Variants in IPO8 observed in about 807,000 individuals in gnomAD.
IPO8 encodes the protein importin-8.
Under a neutral mutation model 141.2 loss-of-function variants are expected in IPO8, and 65 were observed. The ratio of observed to expected loss-of-function variants is 0.46; its 90% confidence interval spans 0.38 to 0.57. The LOEUF (loss-of-function observed/expected upper bound fraction) is 0.57, where lower values mean the gene tolerates loss of function less well. Ranked by LOEUF, IPO8 falls within the 20% of genes least tolerant of loss-of-function variation. IPO8 has a pLI of 0.00. For synonymous variants in IPO8, 411 were observed against 420.3 expected (o/e 0.98, Z 0.27); for missense variants, 980 against 1,246.8 (o/e 0.79, Z 3.22).
chr12:30,659,873 A>C (rs940122767), intron 16 of IPO8, among the ~76,000 whole-genome samples: 37 of 148,360 alleles, frequency 2.5e-4, no homozygotes, highest in Non-Finnish European at 4.5e-4. Flanking sequence ...AAAAAAAAAA[A>C]CCCACAAAAT....
chr12:30,646,622 AATC>A (rs2052650589), intron 20 of IPO8, among the ~76,000 whole-genome samples: 2 of 152,186 alleles, frequency 1.3e-5, no homozygotes, highest in South Asian at 4.1e-4. Flanking sequence ...AAAACTAATA[AATC>A]AGTTCAGCAA....
In IPO8 at chr12:30,663,613, A is replaced by G; in HGVS notation, c.1470T>C (p.His490=). ...CGGCATTTCTTAGATTGAGCTCATT[A>G]TGGAACTTCAAAGAACTAAATGCAT... The part of the protein sequence containing the change: ...VLHAFSSLKF[H]NELNLRNAVE... The change falls in exon 14 of 25, where the codon CAT becomes CAC. Residue 490 remains histidine, a synonymous_variant. Coordinates refer to ENST00000256079, the MANE Select transcript of IPO8 (RefSeq NM_006390.4). The G allele has an allele frequency of 6.2e-7, 1 of 1,612,698 alleles. No individual in the cohort carries two copies. Among genetic ancestry groups the G allele is most frequent in the East Asian group, 2.2e-5 (1 of 44,866 alleles).
intron 3 of IPO8, 38 bp from the exon 4 acceptor site, chr12:30,681,855 T>C: frequency 1.3e-6 from 2 of 1,534,150 alleles, no homozygotes; most frequent in Non-Finnish European, 1.8e-6. Flanking sequence ...ATCTAAGTAA[T>C]TATAAATACT....
intron 19 of IPO8, among the ~76,000 whole-genome samples, chr12:30,649,918 A>G (rs1405897216): frequency 6.6e-6 from 1 of 152,112 alleles, no homozygotes; most frequent in African/African-American, 2.4e-5. Flanking sequence ...AAAAGAATAA[A>G]TTAATGATTC....
chr12:30,665,532 C>T (rs1402872543), intron 12 of IPO8, among the ~76,000 whole-genome samples, 197 bp downstream of exon 12: 1 of 152,074 alleles, frequency 6.6e-6, no homozygotes, highest in Non-Finnish European at 1.5e-5. Flanking sequence ...TTTCACATAT[C>T]AATAGTTTCA....
chr12:30,693,842 G>T (rs562233159), intron 1 of IPO8, among the ~76,000 whole-genome samples: 1 of 152,138 alleles, frequency 6.6e-6, no homozygotes, highest in African/African-American at 2.4e-5. Context: ...GCAGAGTGAT[G>T]ATGGAATGGA....
chr12:30,633,095 G>A (rs1003439680), intron 23 of IPO8, among the ~76,000 whole-genome samples: 2 of 152,132 alleles, frequency 1.3e-5, no homozygotes, highest in African/African-American at 2.4e-5. Context: ...ATGCTGTTAC[G>A]TTTCCCATGC....
chr12:30,651,121 T>C (rs111941622), intron 19 of IPO8, among the ~76,000 whole-genome samples: 1,702 of 152,230 alleles, frequency 0.011, 29 homozygotes, highest in African/African-American at 0.039. Context: ...TGTGAATTAC[T>C]AATGGAATAC....
At position 30,663,655 on chromosome 12, in the gene IPO8, CTG is replaced by C. The variant is rs1433349605; in HGVS notation, c.1429-3_1429-2del. 1 of 1,597,618 alleles carries C rather than the reference CTG, an allele frequency of 6.3e-7. No individual in the cohort carries two copies. The highest frequency in any genetic ancestry group is 1.3e-5 in the African/African-American group (1 of 74,326). On this transcript the variant is annotated splice_acceptor_variant and splice_polypyrimidine_tract_variant and intron_variant, in intron 13 of 24. Coordinates refer to ENST00000256079, the MANE Select transcript of IPO8 (RefSeq NM_006390.4). LOFTEE classifies it high-confidence loss of function. ...TAAATGCATGAAGTACCCAGCAAGA[CTG>C]TATTATTAAAAAAGGTAAGTAGGGA...
In IPO8 at chr12:30,634,217, C is replaced by G. The variant is rs1472950924; in HGVS notation, c.2765G>C (p.Gly922Ala). The G allele has an allele frequency of 6.2e-7, 1 of 1,613,842 alleles. No homozygotes were observed. Among genetic ancestry groups the G allele is most frequent in the Non-Finnish European group, 8.5e-7 (1 of 1,179,872 alleles). Residue 922 changes from glycine (G) to alanine (A), a missense_variant, in exon 23 of 25, where the codon GGT becomes GCT. Coordinates refer to ENST00000256079, the MANE Select transcript of IPO8 (RefSeq NM_006390.4). ...ATCATCTTCCTCCTCCTCATCTTCACCTCTTCCATTATTTGACTGCATTGC... is the reference window on the plus strand; with the variant it reads ...ATCATCTTCCTCCTCCTCATCTTCAGCTCTTCCATTATTTGACTGCATTGC... ...AQAMQSNNGR[G>A]EDEEEEDDDW...
chr12:30,689,964 TA>T (rs909676165), intron 2 of IPO8, among the ~76,000 whole-genome samples: 3 of 152,072 alleles, frequency 2.0e-5, no homozygotes, highest in Non-Finnish European at 4.4e-5. Flanking sequence ...GACCAGTCCA[TA>T]AAAAAACAAG....
In IPO8 at chr12:30,665,561, G is replaced by A. The variant is rs148436804; in HGVS notation, c.1338+168C>T. Reference sequence around the variant, plus strand: ...AGTTTCATACTGAAAACTTTAAACAGTCAAATTTTCTTTTTAATTAAAGAA... The same window carrying A: ...AGTTTCATACTGAAAACTTTAAACAATCAAATTTTCTTTTTAATTAAAGAA... On this transcript the variant is annotated intron_variant, in intron 12 of 24. Transcript: ENST00000256079. 5.6e-4 allele frequency among the ~76,000 whole-genome samples: 85 copies of A among 152,204 alleles called. 1 individual carries two copies. The East Asian group carries it at 0.011, about 19-fold the overall frequency.
In IPO8 at chr12:30,661,152, C is replaced by G. The variant is rs577989921; in HGVS notation, c.1870G>C (p.Asp624His). The stretch of plus-strand genomic sequence containing the variant: ...CAAAGAAATCTCACCTCTTTATGAT[C>G]TTCTACAACTGTTAAGATAGTATCA... Reference protein sequence around the residue: ...TIDTILTVVEDHKEITQQLEN... With the variant: ...TIDTILTVVEHHKEITQQLEN... Residue 624 changes from aspartate to histidine, a missense_variant, in exon 16 of 25, where the codon GAT (aspartate) becomes CAT (histidine). Physicochemically the swap from Asp to His is moderately conservative, Grantham distance 81. Around this residue, in one of 3 missense-constraint regions of IPO8, gnomAD observed 924 missense variants for 1,153.9 expected, o/e 0.80. Coordinates refer to ENST00000256079, the MANE Select transcript of IPO8 (RefSeq NM_006390.4). The G allele has an allele frequency of 4.7e-5, 73 of 1,552,498 alleles. 1 individual carries two copies. The East Asian group carries it at 1.7e-3, about 37-fold the overall frequency.
At chr12:30,686,126 G>A (rs886225648) in intron 2 of IPO8, among the ~76,000 whole-genome samples, 1 of 152,024 alleles carries the variant, frequency 6.6e-6, no homozygotes, top group Admixed American at 6.6e-5. Context: ...ATATAAAGGG[G>A]GATGTGTGTT....
chr12:30,676,145 T>C (rs1337357185), intron 6 of IPO8, among the ~76,000 whole-genome samples: 1 of 152,034 alleles, frequency 6.6e-6, no homozygotes, highest in Non-Finnish European at 1.5e-5. Context: ...AGATTGGTCT[T>C]GAACTCCTGG....
At chr12:30,689,188 T>A (rs2053269161) in intron 2 of IPO8, among the ~76,000 whole-genome samples, 1 of 152,124 alleles carries the variant, frequency 6.6e-6, no homozygotes, top group Non-Finnish European at 1.5e-5. Flanking sequence ...TTGGGTGTAT[T>A]AAGAACAATG....
intron 10 of IPO8, among the ~76,000 whole-genome samples, chr12:30,666,809 G>C (rs1360455489): frequency 1.3e-5 from 2 of 152,130 alleles, no homozygotes. Flanking sequence ...CATTTAAGCA[G>C]AAATTGAATG....
In IPO8 at chr12:30,639,800, T is replaced by C; in HGVS notation, c.2269-65A>G. On this transcript the variant is annotated intron_variant, in intron 20 of 24. Coordinates refer to ENST00000256079, the MANE Select transcript of IPO8 (RefSeq NM_006390.4). ...CCAAGTAACTTTTATAGAAGCTGAA[T>C]ATTGGCAGAGCATTCTCAATAAATA... The C allele has an allele frequency of 2.7e-6, 3 of 1,104,866 alleles. No homozygotes were observed. In the South Asian group the frequency reaches 3.7e-5, roughly 14 times the overall value. 68.4% of individuals were successfully genotyped at this position (1,104,866 alleles called of 1,614,324 possible).
chr12:30,647,603 CAAAAAAAAAAA>C (rs34098076), intron 20 of IPO8, among the ~76,000 whole-genome samples: 2 of 40,788 alleles, frequency 4.9e-5, no homozygotes, highest in Non-Finnish European at 8.4e-5. Context: ...AGACCGTCTC[CAAAAAAAAAAA>C]AAAAAAAAAA....
Sources: allele counts gnomAD v4.1 joint callset (sites outside exome capture counted in the v4.1 genomes callset), GRCh38; gene constraint gnomAD v4.1.1; regional missense constraint gnomAD v4.1.1; transcripts MANE v1.5; gene names NCBI Gene and HGNC (gene_info 2026-07-23, HGNC 2026-07-21).